RUVBL1: variants seen among roughly 807,000 people sequenced by gnomAD.
RUVBL1 encodes the protein RuvB like AAA ATPase 1, also known as ruvB-like 1.
Under a neutral mutation model 52.4 loss-of-function variants are expected in RUVBL1, and 4 were observed. The observed-to-expected ratio is 0.08, with a 90% CI of 0.04 to 0.17. The LOEUF is 0.17. Among genes scored for constraint, RUVBL1 ranks in the 10% least tolerant of loss-of-function variants. RUVBL1 has a pLI of 1.00. For synonymous variants in RUVBL1, 217 were observed against 214.4 expected, an observed-to-expected ratio of 1.01 and a Z score of -0.10; for missense variants, 298 against 572.8, an observed-to-expected ratio of 0.52 and a Z score of 4.90.
At chr3:128,104,209 T>C (rs1943171506) in intron 4 of RUVBL1, among the ~76,000 whole-genome samples, 1 of 152,204 alleles carries the variant, frequency 6.6e-6, no homozygotes. Context: ...GAGGACTGTC[T>C]TTGAGCGCTA....
upstream of RUVBL1, among the ~76,000 whole-genome samples, chr3:128,128,290 A>G (rs924899119): frequency 6.6e-6 from 1 of 152,238 alleles, no homozygotes; most frequent in Non-Finnish European, 1.5e-5. Flanking sequence ...ACCCAGCAGT[A>G]AATGTTACAT....
chr3:128,079,539 G>T (rs1942415055), downstream of RUVBL1, among the ~76,000 whole-genome samples: 1 of 152,186 alleles, frequency 6.6e-6, no homozygotes, highest in African/African-American at 2.4e-5. Context: ...TCTTCTGTTT[G>T]TCTAACATGG....
chr3:128,150,872 ATATATTC>A (rs1944187167), intron 1 of RUVBL1, among the ~76,000 whole-genome samples: 1 of 66,926 alleles, frequency 1.5e-5, no homozygotes, highest in African/African-American at 7.5e-5. Flanking sequence ...TATTATATAT[ATATATTC>A]TATATATATA....
intron 9 of RUVBL1, chr3:128,069,648 G>T: frequency 6.2e-7 from 1 of 1,614,046 alleles, no homozygotes. Context: ...CAGCATGGGG[G>T]CCCTGCTCTT....
rs113756393 is a variant in RUVBL1, at chr3:128,108,104, T to C, written c.362-3180A>G. 3.5e-3 allele frequency among the ~76,000 whole-genome samples: 536 copies of C among 152,356 alleles called. 4 individuals are homozygous for C. Among genetic ancestry groups the C allele is most frequent in the African/African-American group, 0.012 (510 of 41,586 alleles). On this transcript the variant is annotated intron_variant, in intron 3 of 10. Coordinates refer to ENST00000322623, the MANE Select transcript of RUVBL1 (RefSeq NM_003707.3). ...CACAAATGACACAGGTTTCATCTGC[T>C]GGCTCAGGTTTCTATATCCCTGACA...
At chr3:128,107,032 T>C (rs1688919015) in intron 3 of RUVBL1, among the ~76,000 whole-genome samples, 1 of 152,174 alleles carries the variant, frequency 6.6e-6, no homozygotes, top group Admixed American at 6.5e-5. Context: ...TCTGTACATA[T>C]GCATAAAATT....
chr3:128,111,357 A>T (rs942198605), intron 3 of RUVBL1, among the ~76,000 whole-genome samples: 10 of 152,156 alleles, frequency 6.6e-5, no homozygotes, highest in African/African-American at 2.4e-4. Flanking sequence ...TGACCACTGT[A>T]TCCCCAGGAG....
chr3:128,082,287 C>T lies in RUVBL1; in HGVS notation c.1211+196G>A, dbSNP rs1942499044. 1 of 553,666 alleles carries T rather than the reference C, an allele frequency of 1.8e-6. No individual in the cohort carries two copies. The highest frequency in any genetic ancestry group is 1.9e-5 in the African/African-American group (1 of 52,608). 34.3% of individuals were successfully genotyped at this position (553,666 alleles called of 1,614,324 possible). A position where few individuals can be genotyped will look rare whatever the true frequency, so the allele number is the denominator to read the frequency against. On this transcript the variant is annotated intron_variant, in intron 10 of 10. Coordinates refer to ENST00000322623, the MANE Select transcript of RUVBL1 (RefSeq NM_003707.3). This position sits in a 1 kb window ranked among gnomAD's most constrained non-coding sequence, Gnocchi z 4.7. ...GCAGGACATGGGGACTTCACCCTTA[C>T]TCTAGCTTGTTAAAAACCATCAGAT...
intron 8 of RUVBL1, 80 bp from the exon 9 acceptor site, chr3:128,087,888 A>C: frequency 1.0e-6 from 1 of 1,001,322 alleles, no homozygotes. Flanking sequence ...TCCAACACTC[A>C]CACCACAAGC....
chr3:128,119,554 G>T, intron 1 of RUVBL1, 140 bp from the exon 2 acceptor site: 2 of 615,846 alleles, frequency 3.2e-6, no homozygotes, highest in Non-Finnish European at 5.4e-6. Flanking sequence ...ACTGTTCTAG[G>T]TGCCGAGGGT....
chr3:128,122,161 C>T (rs1166859886), intron 1 of RUVBL1, among the ~76,000 whole-genome samples: 1 of 152,188 alleles, frequency 6.6e-6, no homozygotes, highest in South Asian at 2.1e-4. Flanking sequence ...GATGAGTAAC[C>T]TTGGACCTAC....
At chr3:128,076,413 C>T (rs1205727859), downstream of RUVBL1, among the ~76,000 whole-genome samples, 1 of 152,092 alleles carries the variant, frequency 6.6e-6, no homozygotes, top group Non-Finnish European at 1.5e-5. This position sits in a 1 kb window ranked among gnomAD's most constrained non-coding sequence, Gnocchi z 6.8. Context: ...GCGGGGCCGG[C>T]ATTCCTGCGG....
chr3:128,107,826 A>T (rs1943281567), intron 3 of RUVBL1, among the ~76,000 whole-genome samples: 1 of 152,246 alleles, frequency 6.6e-6, no homozygotes, highest in South Asian at 2.1e-4. Flanking sequence ...TTGATTTTTT[A>T]AAATCAAACC....
intron 1 of RUVBL1, among the ~76,000 whole-genome samples, chr3:128,149,282 T>C (rs1190724358): frequency 4.6e-5 from 7 of 151,784 alleles, no homozygotes. Flanking sequence ...CATCCCGGGT[T>C]CAAGCAATTC....
At chr3:128,068,066 G>T in intron 9 of RUVBL1, 6 of 1,611,828 alleles carry the variant, frequency 3.7e-6, no homozygotes, top group African/African-American at 1.3e-5. Flanking sequence ...ACCGGTGAGT[G>T]GTGGCCCCAG....
chr3:128,100,140 A>G (rs75462417), intron 6 of RUVBL1, among the ~76,000 whole-genome samples: 2,102 of 152,354 alleles, frequency 0.014, 25 homozygotes, highest in Middle Eastern at 0.027. Flanking sequence ...CCAAGGCATA[A>G]GTATCCATCT....
exon 1 of RUVBL1, chr3:128,153,368 A>T (rs1472365772): frequency 7.2e-7 from 1 of 1,387,098 alleles, no homozygotes; most frequent in Non-Finnish European, 9.3e-7. Context: ...CGTGAGCCTC[A>T]GGAGGGCGGA....
chr3:128,070,207 T>TA (rs1189328449), intron 9 of RUVBL1: 1 of 152,450 alleles, frequency 6.6e-6, no homozygotes, highest in Non-Finnish European at 1.5e-5. Flanking sequence ...TCCCTTATTT[T>TA]AAAAGTGATT....
intron 2 of RUVBL1, among the ~76,000 whole-genome samples, chr3:128,115,920 G>A (rs1943511674): frequency 6.6e-6 from 1 of 152,026 alleles, no homozygotes; most frequent in Non-Finnish European, 1.5e-5. Context: ...GAGCCCAGGA[G>A]TTCAAGACCA....
Sources: allele counts gnomAD v4.1 joint callset (sites outside exome capture counted in the v4.1 genomes callset), GRCh38; gene constraint gnomAD v4.1.1; non-coding constraint Gnocchi (gnomAD v3.1); transcripts MANE v1.5; gene names NCBI Gene and HGNC (gene_info 2026-07-23, HGNC 2026-07-21).